VPS13D: variants seen among roughly 807,000 people sequenced by gnomAD.
The protein encoded by VPS13D is intermembrane lipid transfer protein VPS13D.
In VPS13D, 187 loss-of-function variants were observed where a neutral mutation model predicts 461.9. The ratio of observed to expected loss-of-function variants is 0.40; its 90% CI spans 0.36 to 0.46. The LOEUF (loss-of-function observed/expected upper bound fraction) is 0.46. VPS13D is among the 20% of genes least tolerant of loss of function. The pLI, the probability that VPS13D is intolerant of heterozygous loss-of-function variation, is 0.60. For synonymous variants in VPS13D, 1,951 were observed against 1,986.3 expected (o/e 0.98, Z 0.47); for missense variants, 4,711 against 5,364.9 (o/e 0.88, Z 3.81).
At chr1:12,326,099 C>A (rs1643175643) in intron 35 of VPS13D, among the ~76,000 whole-genome samples, 1 of 150,170 alleles carries the variant, frequency 6.7e-6, no homozygotes, top group African/African-American at 2.5e-5. Context: ...AGGCTTGTTT[C>A]ATGACATACT....
At position 12,276,311 on chromosome 1, in the gene VPS13D, C is replaced by T. The variant is rs1300013026; in HGVS notation, c.2723C>T (p.Thr908Ile). 2 of 1,614,028 alleles carry T rather than the reference C, an allele frequency of 1.2e-6. No homozygotes were observed. The highest frequency in any genetic ancestry group is 1.7e-6 in the Non-Finnish European group (2 of 1,180,032). Reference sequence around the variant, plus strand: ...CTCCTCACCACCCCAGAAATGAAAACTTCTGACACTCAGATTAAAGAAAAG... The same window carrying T: ...CTCCTCACCACCCCAGAAATGAAAATTTCTGACACTCAGATTAAAGAAAAG... ...FALLTTPEMK[T>I]SDTQIKEKIF... Residue 908 changes from threonine to isoleucine, a missense_variant, in exon 19 of 70, where the codon ACT becomes ATT. By Grantham distance (89) the Thr-to-Ile change is moderately conservative. Around this residue, in one of 3 missense-constraint regions of VPS13D, gnomAD observed 4,411 missense variants for 4,937.8 expected, o/e 0.89. Coordinates refer to ENST00000620676, the MANE Select transcript of VPS13D (RefSeq NM_015378.4). The surrounding 1 kb of genome is among the most constrained non-coding windows in gnomAD (Gnocchi z 4.5).
Position 12,345,422 on chromosome 1 carries a change from C to CT in VPS13D, c.8935dup (p.Trp2979LeufsTer23). The CT allele has an allele frequency of 6.2e-7, 1 of 1,613,940 alleles. No homozygotes were observed. Among genetic ancestry groups the CT allele is most frequent in the Non-Finnish European group, 8.5e-7 (1 of 1,179,826 alleles). On this transcript the variant is annotated frameshift_variant, in exon 43 of 70. Coordinates refer to ENST00000620676, the MANE Select transcript of VPS13D (RefSeq NM_015378.4). LOFTEE classifies it high-confidence loss of function. ...ATCAACTGCAAGTGAGAGTAAATGG[C>CT]TGGGAGCAAGTGAGCCCAGTGTCTG...
intron 6 of VPS13D, among the ~76,000 whole-genome samples, chr1:12,251,210 C>T (rs1467814702): frequency 2.0e-5 from 3 of 152,274 alleles, no homozygotes; most frequent in African/African-American, 2.4e-5. Flanking sequence ...TATGGAAGAG[C>T]GTGCCATCCC....
rs1642507591 is a variant in VPS13D at position 12,304,498 on chromosome 1, C to T, written c.6217-8C>T. 1 of 1,609,526 alleles carries T rather than the reference C, an allele frequency of 6.2e-7. No homozygotes were observed. The highest frequency in any genetic ancestry group is 1.1e-5 in the South Asian group (1 of 90,432). ...CCTGCATTCTAGTTTTATTTTGTTC[C>T]TTCCCAGGAATCTGTGCCTTCAGCT... On this transcript the variant is annotated splice_region_variant and splice_polypyrimidine_tract_variant and intron_variant, in intron 25 of 69. Transcript: ENST00000620676.
At position 12,502,993 on chromosome 1, in the gene VPS13D, C is replaced by T. The variant is rs980609564; in HGVS notation, c.12795-3860C>T. 2.0e-5 allele frequency among the ~76,000 whole-genome samples: 3 copies of T among 152,246 alleles called. No homozygotes were observed. The highest frequency in any genetic ancestry group is 2.1e-4 in the South Asian group (1 of 4,818). Reference sequence around the variant, plus strand: ...CTCTGGGCAAAGTGAGAGGCGGAGACGACTGGCATCAGGGTGGCTGGCTCC... The same window carrying T: ...CTCTGGGCAAAGTGAGAGGCGGAGATGACTGGCATCAGGGTGGCTGGCTCC... On this transcript the variant is annotated intron_variant, in intron 68 of 69. Transcript: ENST00000620676. The surrounding 1 kb of genome is among the most constrained non-coding windows in gnomAD (Gnocchi z 4.3).
chr1:12,255,863 C>T (rs987648650), intron 7 of VPS13D, among the ~76,000 whole-genome samples: 2 of 147,712 alleles, frequency 1.4e-5, no homozygotes, highest in Non-Finnish European at 3.0e-5. Context: ...TGCACTCCAG[C>T]CTGGCAACAG....
At chr1:12,430,663 C>G (rs1644980183) in intron 65 of VPS13D, among the ~76,000 whole-genome samples, 1 of 152,232 alleles carries the variant, frequency 6.6e-6, no homozygotes, top group South Asian at 2.1e-4. Context: ...TCCTACCACA[C>G]TAAGCCTTCT....
chr1:12,257,780 G>GT (rs2101270057), intron 9 of VPS13D, among the ~76,000 whole-genome samples, 155 bp from the exon 10 acceptor site: 1 of 152,086 alleles, frequency 6.6e-6, no homozygotes, highest in African/African-American at 2.4e-5. Flanking sequence ...CCACCTAGTG[G>GT]TTTAATATTA....
intron 10 of VPS13D, among the ~76,000 whole-genome samples, chr1:12,258,970 C>T (rs1160055971): frequency 6.6e-6 from 1 of 152,114 alleles, no homozygotes; most frequent in Admixed American, 6.5e-5. Flanking sequence ...GACATGGTTA[C>T]TGACACAGGA....
At chr1:12,419,338 C>T (rs1412245299) in intron 65 of VPS13D, among the ~76,000 whole-genome samples, 1 of 152,194 alleles carries the variant, frequency 6.6e-6, no homozygotes, top group East Asian at 1.9e-4. Flanking sequence ...CCACAGGCTG[C>T]AGCTGAGGGG....
At chr1:12,335,880 A>C (rs2101565206) in intron 39 of VPS13D, 53 bp downstream of exon 39, 1 of 1,607,692 alleles carries the variant, frequency 6.2e-7, no homozygotes, top group Middle Eastern at 1.7e-4. Flanking sequence ...CCTACAAAGC[A>C]ATGCTTCACT....
intron 65 of VPS13D, among the ~76,000 whole-genome samples, chr1:12,451,656 T>C (rs1415621078): frequency 6.6e-6 from 1 of 152,234 alleles, no homozygotes; most frequent in Non-Finnish European, 1.5e-5. Context: ...TACCTTCCAG[T>C]TGCTAGTCGC....
At chr1:12,271,154 G>T in intron 17 of VPS13D, 30 bp downstream of exon 17, 1 of 1,613,042 alleles carries the variant, frequency 6.2e-7, no homozygotes, top group Non-Finnish European at 8.5e-7. Flanking sequence ...CACTCTTTGG[G>T]GATTGGGGAA....
intron 54 of VPS13D, 116 bp from the exon 55 acceptor site, chr1:12,373,634 T>C (rs1042273120): frequency 2.0e-6 from 1 of 489,198 alleles, no homozygotes; most frequent in Non-Finnish European, 3.0e-6. Flanking sequence ...TAAAAAATTT[T>C]CTTTTTAATA....
At chr1:12,304,753 A>T in intron 26 of VPS13D, 25 bp downstream of exon 26, 2 of 1,610,022 alleles carry the variant, frequency 1.2e-6, no homozygotes, top group Non-Finnish European at 1.7e-6. Flanking sequence ...AAGCAACATA[A>T]TACTGAAGGT....
chr1:12,467,493 A>G (rs1342029761), intron 67 of VPS13D, among the ~76,000 whole-genome samples: 1 of 152,164 alleles, frequency 6.6e-6, no homozygotes, highest in Non-Finnish European at 1.5e-5. Flanking sequence ...TTAAAGAAGC[A>G]TCTTAACAGT....
intron 30 of VPS13D, among the ~76,000 whole-genome samples, chr1:12,316,342 G>T (rs1642885500): frequency 2.0e-5 from 3 of 152,132 alleles, no homozygotes; most frequent in Admixed American, 2.0e-4. Context: ...GGGAATTTTT[G>T]AACGCCTTTC....
At position 12,277,476 on chromosome 1, in the gene VPS13D, T is replaced by C. The variant is rs747631293; in HGVS notation, c.3888T>C (p.Ser1296=). ...LKMASLHYNH[S]AKFLKELTLS... ...TGGCTTCTTTACATTATAACCACTC[T>C]GCTAAGTTTTTGAAGGAGTTGACGT... The change falls in exon 19 of 70, where the codon TCT becomes TCC. Residue 1296 remains serine (S), a synonymous_variant. Transcript: ENST00000620676. 1.9e-6 allele frequency: 3 copies of C among 1,614,172 alleles called. No individual in the cohort carries two copies. Among genetic ancestry groups the C allele is most frequent in the Admixed American group, 3.3e-5 (2 of 60,024 alleles).
Position 12,283,282 on chromosome 1 carries a change from C to T in VPS13D, c.5180C>T (p.Ser1727Phe), listed in dbSNP as rs1008119023. Reference sequence around the variant, plus strand: ...CCTGATATGCCTCGGTCTCTCCCTTCCCACATGGAAGAAGCTCCTAATGTC... The same window carrying T: ...CCTGATATGCCTCGGTCTCTCCCTTTCCACATGGAAGAAGCTCCTAATGTC... ...EYPDMPRSLP[S>F]HMEEAPNVFQ... is the part of the protein sequence containing the mutation. Residue 1727 changes from serine to phenylalanine, a missense_variant, in exon 21 of 70, where the codon TCC becomes TTC. Physicochemically the swap from Ser to Phe is radical, Grantham distance 155. Coordinates refer to ENST00000620676, the MANE Select transcript of VPS13D (RefSeq NM_015378.4). The T allele has an allele frequency of 3.1e-6, 5 of 1,614,076 alleles. No homozygotes were observed. Among genetic ancestry groups the T allele is most frequent in the Non-Finnish European group, 4.2e-6 (5 of 1,180,036 alleles).
Sources: gnomAD v4.1 joint callset for allele counts (sites outside exome capture counted in the v4.1 genomes callset) on GRCh38, gnomAD v4.1.1 for gene constraint, gnomAD v4.1.1 regional missense constraint, Gnocchi (gnomAD v3.1) non-coding constraint, MANE v1.5 for transcripts, NCBI Gene and HGNC (gene_info 2026-07-23, HGNC 2026-07-21) for gene names.